Variants in UNC5D observed in about 807,000 individuals in gnomAD.
The protein encoded by UNC5D is netrin receptor UNC5D.
A neutral mutation model predicts 105.4 loss-of-function variants in UNC5D; 39 were observed. The ratio of observed to expected loss-of-function variants is 0.37; its 90% CI spans 0.29 to 0.48. The LOEUF is 0.48. UNC5D is among the 20% of genes least tolerant of loss of function. The pLI is 0.98. For missense variants in UNC5D, 991 were observed against 1,202.4 expected (o/e 0.82, Z 2.60); for synonymous variants, 452 against 450.4 (o/e 1.00, Z -0.04).
At chr8:35,659,006 T>C (rs1823953222) in intron 4 of UNC5D, among the ~76,000 whole-genome samples, 1 of 152,160 alleles carries the variant, frequency 6.6e-6, no homozygotes, top group Non-Finnish European at 1.5e-5. Context: ...GAAGTCATCA[T>C]GATAGTCCAT....
chr8:35,610,028 A>G (rs781391868), intron 4 of UNC5D, among the ~76,000 whole-genome samples: 13 of 152,188 alleles, frequency 8.5e-5, no homozygotes, highest in Non-Finnish European at 1.8e-4. Context: ...TGTTATGAAT[A>G]ATAAAAATAG....
chr8:35,787,517 G>T (rs958609736), intron 16 of UNC5D, among the ~76,000 whole-genome samples: 1 of 152,014 alleles, frequency 6.6e-6, no homozygotes, highest in African/African-American at 2.4e-5. Flanking sequence ...CTGGGTTTTG[G>T]TGACAGTGTT....
intron 1 of UNC5D, among the ~76,000 whole-genome samples, chr8:35,523,578 CTT>C (rs33917742): frequency 0.068 from 6,591 of 97,514 alleles, 165 homozygotes; most frequent in African/African-American, 0.13. Context: ...GTAATGTGCT[CTT>C]TTTTTTTTTT....
Position 35,242,162 on chromosome 8 carries a change from T to C in UNC5D, c.103+6275T>C, listed in dbSNP as rs984412221. 6.2e-4 allele frequency among the ~76,000 whole-genome samples: 95 copies of C among 152,306 alleles called. 1 individual carries two copies. Among genetic ancestry groups the C allele is most frequent in the African/African-American group, 2.2e-3 (91 of 41,552 alleles). On this transcript the variant is annotated intron_variant, in intron 1 of 16. Transcript: ENST00000404895. Reference sequence around the variant, plus strand: ...GTACCCCCACCACTCCAGCCCACATTGTATTTAAGGGTATTTTTCCACAGG... The same window carrying C: ...GTACCCCCACCACTCCAGCCCACATCGTATTTAAGGGTATTTTTCCACAGG...
At chr8:35,460,829 G>A (rs1263787742) in intron 1 of UNC5D, among the ~76,000 whole-genome samples, 2 of 152,114 alleles carry the variant, frequency 1.3e-5, no homozygotes, top group Non-Finnish European at 1.5e-5. Flanking sequence ...CAATCACCCT[G>A]ACCTTCAGCA....
At chr8:35,366,127 G>A (rs1241991663) in intron 1 of UNC5D, among the ~76,000 whole-genome samples, 1 of 152,042 alleles carries the variant, frequency 6.6e-6, no homozygotes, top group Admixed American at 6.6e-5. Context: ...TGGGATGCTT[G>A]GCCAAAATAT....
At chr8:35,740,915 C>T (rs1187805967) in intron 11 of UNC5D, among the ~76,000 whole-genome samples, 1 of 152,156 alleles carries the variant, frequency 6.6e-6, no homozygotes, top group East Asian at 1.9e-4. Context: ...CAGATTACCT[C>T]CAGAGAAGGC....
chr8:35,570,615 G>A (rs2589339), intron 3 of UNC5D, among the ~76,000 whole-genome samples: 13,622 of 151,972 alleles, frequency 0.09, 638 homozygotes, highest in Middle Eastern at 0.099. Context: ...TCAGCCCTCA[G>A]TCCCCAACTC....
chr8:35,451,421 T>C (rs1309934431), intron 1 of UNC5D, among the ~76,000 whole-genome samples: 2 of 152,118 alleles, frequency 1.3e-5, no homozygotes, highest in African/African-American at 4.8e-5. Flanking sequence ...TTAGGCATGA[T>C]TTTAAGCTCT....
At chr8:35,660,125 A>G (rs990365290) in intron 4 of UNC5D, among the ~76,000 whole-genome samples, 3 of 152,206 alleles carry the variant, frequency 2.0e-5, no homozygotes, top group East Asian at 1.9e-4. Context: ...TCCAGGGGCT[A>G]TGTCATTTAC....
At chr8:35,552,047 G>C (rs1190307535) in intron 2 of UNC5D, among the ~76,000 whole-genome samples, 2 of 152,170 alleles carry the variant, frequency 1.3e-5, no homozygotes, top group Non-Finnish European at 2.9e-5. Context: ...CTCCAAAAAG[G>C]AGAGAAACAC....
At chr8:35,328,568 A>G (rs1810356004) in intron 1 of UNC5D, among the ~76,000 whole-genome samples, 1 of 152,172 alleles carries the variant, frequency 6.6e-6, no homozygotes, top group Admixed American at 6.6e-5. Context: ...TGTGCTTCAA[A>G]CATGTGTCTG....
intron 4 of UNC5D, among the ~76,000 whole-genome samples, chr8:35,635,952 A>G (rs1244192448): frequency 1.3e-5 from 2 of 152,176 alleles, no homozygotes; most frequent in East Asian, 1.9e-4. Flanking sequence ...AAGTAAAATT[A>G]TGGTGGTCAT....
chr8:35,701,502 A>G (rs1206356549), intron 7 of UNC5D, among the ~76,000 whole-genome samples: 1 of 152,222 alleles, frequency 6.6e-6, no homozygotes, highest in Non-Finnish European at 1.5e-5. Flanking sequence ...GCTGCTAAGA[A>G]CAATGGATAC....
At chr8:35,568,647 C>T (rs924483395) in intron 3 of UNC5D, among the ~76,000 whole-genome samples, 1 of 152,222 alleles carries the variant, frequency 6.6e-6, no homozygotes, top group Non-Finnish European at 1.5e-5. Context: ...TGAGATCGTG[C>T]CACTGCACTC....
At chr8:35,602,897 C>G (rs1162480100) in intron 4 of UNC5D, among the ~76,000 whole-genome samples, 1 of 129,556 alleles carries the variant, frequency 7.7e-6, no homozygotes, top group Admixed American at 9.7e-5. Flanking sequence ...CAACAGTCCC[C>G]AGAGTGGGAC....
At chr8:35,380,102 GGAGAGA>G (rs375585779) in intron 1 of UNC5D, among the ~76,000 whole-genome samples, 6 of 113,904 alleles carry the variant, frequency 5.3e-5, no homozygotes, top group African/African-American at 1.1e-4. Flanking sequence ...GGGGGGTCGG[GGAGAGA>G]GAGAGAGAGA....
At chr8:35,422,369 A>G (rs1805970951) in intron 1 of UNC5D, among the ~76,000 whole-genome samples, 1 of 152,228 alleles carries the variant, frequency 6.6e-6, no homozygotes, top group Non-Finnish European at 1.5e-5. Context: ...TGAGCCAAGT[A>G]CATTTGAATC....
At chr8:35,542,464 A>C (rs12550037) in intron 1 of UNC5D, among the ~76,000 whole-genome samples, 15,890 of 152,292 alleles carry the variant, frequency 0.1, 1,167 homozygotes, top group East Asian at 0.27. Context: ...AATTCTAAGG[A>C]GCATTACTCT....
Sources: gnomAD v4.1 joint callset for allele counts (sites outside exome capture counted in the v4.1 genomes callset) on GRCh38, gnomAD v4.1.1 for gene constraint, MANE v1.5 for transcripts, NCBI Gene and HGNC (gene_info 2026-07-23, HGNC 2026-07-21) for gene names.